The following SHANK2 variants were observed in gnomAD, a reference collection of about 807,000 sequenced individuals.
SHANK2 encodes the protein SH3 and multiple ankyrin repeat domains protein 2.
SHANK2 carries 43 observed loss-of-function variants against 133.7 expected under a neutral mutation model. The observed-to-expected ratio is 0.32, with a 90% CI of 0.25 to 0.41. SHANK2 has a LOEUF of 0.41. SHANK2 is among the 10% of genes least tolerant of loss of function. The pLI is 1.00. For synonymous variants in SHANK2, 1,017 were observed against 952.8 expected (o/e 1.07, Z -1.24); for missense variants, 1,994 against 2,235.8 (o/e 0.89, Z 2.18).
At chr11:71,224,864 C>A (rs1954615487) in intron 1 of SHANK2, 68 bp from the exon 2 acceptor site, 1 of 152,192 alleles carries the variant, frequency 6.6e-6, no homozygotes, top group Non-Finnish European at 1.5e-5. Context: ...GTTAAAACTT[C>A]ATGTAGATTC....
At position 70,554,901 on chromosome 11, in the gene SHANK2, A is replaced by ATTTTTT. The variant is rs11435528; in HGVS notation, c.2062-51976_2062-51971dup. ...CTTCATTGCACTTCACGAACATTGC[A>ATTTTTT]TTTTTTTTTTTTTTAACAAATCGAA... On this transcript the variant is annotated intron_variant, in intron 17 of 25. Transcript: ENST00000601538. Among the ~76,000 whole-genome samples, 9 of 134,160 alleles carry ATTTTTT rather than the reference A, an allele frequency of 6.7e-5. No homozygotes were observed. In the South Asian group the frequency reaches 1.0e-3, roughly 15 times the overall value. The allele number at this position is 134,160 out of a possible 152,430, so 88.0% of individuals were successfully genotyped here. A position where few individuals can be genotyped will look rare whatever the true frequency, so the allele number is the denominator to read the frequency against.
At chr11:70,619,562 C>A (rs1344308281) in intron 17 of SHANK2, among the ~76,000 whole-genome samples, 1 of 152,226 alleles carries the variant, frequency 6.6e-6, no homozygotes, top group Non-Finnish European at 1.5e-5. Context: ...TCTGCAAAGC[C>A]GCCTTTCCCA....
At chr11:70,782,317 A>T (rs1219603158) in intron 14 of SHANK2, among the ~76,000 whole-genome samples, 1 of 152,232 alleles carries the variant, frequency 6.6e-6, no homozygotes. Context: ...TTGGCCTCCC[A>T]AAGTGCTGGG....
At chr11:70,571,730 C>T (rs533365102) in intron 17 of SHANK2, among the ~76,000 whole-genome samples, 4 of 151,984 alleles carry the variant, frequency 2.6e-5, no homozygotes, top group East Asian at 2.0e-4. Flanking sequence ...CTGGAGGAGT[C>T]GGCAAAGGAG....
At chr11:70,610,229 T>C (rs1419437945) in intron 17 of SHANK2, among the ~76,000 whole-genome samples, 10 of 152,108 alleles carry the variant, frequency 6.6e-5, no homozygotes, top group African/African-American at 9.7e-5. Flanking sequence ...AAGAAAACAG[T>C]TATGGGACCA....
At chr11:70,577,536 C>T (rs965492079) in intron 17 of SHANK2, among the ~76,000 whole-genome samples, 4 of 152,230 alleles carry the variant, frequency 2.6e-5, no homozygotes, top group Middle Eastern at 3.2e-3. Flanking sequence ...CCAGTGACCA[C>T]CCCCAGGCCC....
At chr11:70,834,445 A>G (rs1216980543) in intron 11 of SHANK2, among the ~76,000 whole-genome samples, 1 of 152,194 alleles carries the variant, frequency 6.6e-6, no homozygotes, top group East Asian at 1.9e-4. Context: ...ACAAAGACTG[A>G]ATGCTGAGAA....
At chr11:71,085,675 A>AT (rs1951380196) in intron 8 of SHANK2, among the ~76,000 whole-genome samples, 1 of 6,602 alleles carries the variant, frequency 1.5e-4, no homozygotes, top group Admixed American at 4.9e-3. Flanking sequence ...TATATGTTAT[A>AT]TATATAATAT....
chr11:71,239,055 A>G (rs1312928993), intron 1 of SHANK2, among the ~76,000 whole-genome samples: 9 of 152,264 alleles, frequency 5.9e-5, no homozygotes, highest in Admixed American at 2.6e-4. Flanking sequence ...TTGTTCACAA[A>G]TGCTCAGGGG....
chr11:71,120,017 A>G (rs1368156203), intron 3 of SHANK2, among the ~76,000 whole-genome samples: 1 of 152,206 alleles, frequency 6.6e-6, no homozygotes, highest in Non-Finnish European at 1.5e-5. Flanking sequence ...CCCAAAGGAC[A>G]CAGGAAAGCA....
chr11:71,184,122 G>T (rs964319511), intron 2 of SHANK2, among the ~76,000 whole-genome samples: 5 of 152,104 alleles, frequency 3.3e-5, no homozygotes, highest in South Asian at 2.1e-4. Context: ...GCCCCTCCCC[G>T]GCGGCACCTG....
rs1555013538 is a variant in SHANK2, at chr11:70,661,947, G to A, written c.1854-269C>T. ...CCAGCCGGAGGAAGGAGTCATACAT[G>A]GTGGGGCGGCTGCCTGAGGGATGGC... On this transcript the variant is annotated intron_variant, in intron 15 of 25. Coordinates refer to ENST00000601538, the MANE Select transcript of SHANK2 (RefSeq NM_012309.5). 8 of 789,280 alleles carry A rather than the reference G, an allele frequency of 1.0e-5. 1 individual carries two copies. Among genetic ancestry groups the A allele is most frequent in the Non-Finnish European group, 1.2e-5 (6 of 480,106 alleles). The allele number at this position is 789,280 out of a possible 1,614,324, so 48.9% of individuals were successfully genotyped here.
intron 11 of SHANK2, among the ~76,000 whole-genome samples, chr11:70,883,854 G>A (rs1052473555): frequency 1.3e-5 from 2 of 152,318 alleles, no homozygotes; most frequent in South Asian, 2.1e-4. Context: ...GGCAGGGCAC[G>A]GAGGGAACAC....
At chr11:70,577,491 C>T (rs532670973) in intron 17 of SHANK2, among the ~76,000 whole-genome samples, 5 of 152,328 alleles carry the variant, frequency 3.3e-5, no homozygotes, top group African/African-American at 1.2e-4. Flanking sequence ...GGCGGGTTTG[C>T]AGAATTGAGC....
intron 14 of SHANK2, among the ~76,000 whole-genome samples, chr11:70,708,296 G>T (rs1945707493): frequency 6.6e-6 from 1 of 152,010 alleles, no homozygotes; most frequent in African/African-American, 2.4e-5. Context: ...CCGATGGACT[G>T]CCCTGGACAC....
chr11:70,526,890 T>G (rs1427573236), intron 17 of SHANK2, among the ~76,000 whole-genome samples: 1 of 147,102 alleles, frequency 6.8e-6, no homozygotes, highest in Admixed American at 6.8e-5. Flanking sequence ...CTGAGCCCAC[T>G]CTCCTCCCTG....
At chr11:70,799,290 C>CG (rs1196513909) in intron 13 of SHANK2, among the ~76,000 whole-genome samples, 2 of 152,058 alleles carry the variant, frequency 1.3e-5, no homozygotes, top group Non-Finnish European at 2.9e-5. Context: ...CTCAGCTACT[C>CG]GCTCAGGAGG....
chr11:70,536,165 AC>A (rs1211500181), intron 17 of SHANK2, among the ~76,000 whole-genome samples: 1 of 150,276 alleles, frequency 6.7e-6, no homozygotes, highest in African/African-American at 2.5e-5. Context: ...GACCCAGGAG[AC>A]CTCCTTACCC....
intron 14 of SHANK2, among the ~76,000 whole-genome samples, chr11:70,770,610 C>A (rs1555042511): frequency 6.6e-6 from 1 of 152,200 alleles, no homozygotes; most frequent in African/African-American, 2.4e-5. Flanking sequence ...CCCTGTTTAT[C>A]CAATGGACGG....
Sources: allele counts gnomAD v4.1 joint callset (sites outside exome capture counted in the v4.1 genomes callset), GRCh38; gene constraint gnomAD v4.1.1; transcripts MANE v1.5; gene names NCBI Gene and HGNC (gene_info 2026-07-23, HGNC 2026-07-21).